Variants in MED12L observed in about 807,000 individuals in gnomAD.
MED12L encodes the protein mediator complex subunit 12L, also known as mediator of RNA polymerase II transcription subunit 12-like protein.
In MED12L, 60 loss-of-function variants were observed where a neutral mutation model predicts 281.3. The observed-to-expected ratio is 0.21, with a 90% confidence interval of 0.17 to 0.26. MED12L has a LOEUF of 0.26. MED12L is among the 10% of genes least tolerant of loss of function. The pLI, the probability that MED12L is intolerant of heterozygous loss-of-function variation, is 1.00. For synonymous variants in MED12L, 974 were observed against 987.2 expected (o/e 0.99, Z 0.25); for missense variants, 2,146 against 2,680.9 (o/e 0.80, Z 4.41).
intron 16 of MED12L, chr3:151,214,034 T>C (rs1576990099): frequency 6.2e-7 from 1 of 1,614,112 alleles, no homozygotes; most frequent in East Asian, 2.2e-5. Flanking sequence ...GCAGAGACCC[T>C]GCACACAAAC....
In MED12L at chr3:151,185,098, A is replaced by G. The variant is rs1183790025; in HGVS notation, c.1495-232A>G. Among the ~76,000 whole-genome samples the G allele has an allele frequency of 7.2e-5, 11 of 152,282 alleles. No homozygotes were observed. In the South Asian group the frequency reaches 1.7e-3, roughly 23 times the overall value. On this transcript the variant is annotated intron_variant, in intron 11 of 44. Transcript: ENST00000687756. ...GTGTAAGTGAAGGCATCCACAGGGA[A>G]GCTCTAATTCTTTTGGAATTGTCAC... is the stretch of plus-strand genomic sequence containing the variant.
chr3:151,434,242 A>G lies in MED12L; in HGVS notation c.*1438A>G, dbSNP rs1470215093. Reference sequence around the variant, plus strand: ...AATCTACTTTTTTTAAAATGTAGCTAGTACAACTTTAGTAGACATTTTCTT... The same window carrying G: ...AATCTACTTTTTTTAAAATGTAGCTGGTACAACTTTAGTAGACATTTTCTT... On this transcript the variant is annotated 3_prime_UTR_variant, in exon 45 of 45. Coordinates refer to ENST00000687756, the MANE Select transcript of MED12L (RefSeq NM_001393769.1). The G allele has an allele frequency of 6.6e-6, 1 of 152,222 alleles. No individual in the cohort carries two copies. Among genetic ancestry groups the G allele is most frequent in the East Asian group, 1.9e-4 (1 of 5,200 alleles). The allele number at this position is 152,222 out of a possible 1,614,324, so 9.4% of individuals were successfully genotyped here.
chr3:151,383,756 T>C lies in MED12L; in HGVS notation c.4681-23T>C, dbSNP rs117077478. 1,995 of 1,488,676 alleles carry C rather than the reference T, an allele frequency of 1.3e-3. 37 individuals are homozygous for C. In the East Asian group the frequency reaches 0.035, roughly 26 times the overall value. 92.2% of individuals were successfully genotyped at this position (1,488,676 alleles called of 1,614,324 possible). ...CTTTCTGTTTTACAGAATGCAAATA[T>C]CTTACTGTATTTTGTCTGCTAGGTA... is the stretch of plus-strand genomic sequence containing the variant. On this transcript the variant is annotated intron_variant, in intron 33 of 44. Transcript: ENST00000687756.
intron 16 of MED12L, among the ~76,000 whole-genome samples, chr3:151,343,772 CCAAG>C (rs1752187720): frequency 6.6e-6 from 1 of 151,884 alleles, no homozygotes; most frequent in Non-Finnish European, 1.5e-5. Context: ...GTTTATTTTA[CCAAG>C]TCTACTAAAG....
chr3:151,219,189 TA>T (rs1167147855), intron 16 of MED12L, among the ~76,000 whole-genome samples: 1 of 152,224 alleles, frequency 6.6e-6, no homozygotes, highest in Non-Finnish European at 1.5e-5. Flanking sequence ...TAGTGCAGTG[TA>T]ATATCTTAGG....
At chr3:151,366,499 A>G (rs1166453673) in intron 23 of MED12L, among the ~76,000 whole-genome samples, 1 of 152,226 alleles carries the variant, frequency 6.6e-6, no homozygotes, top group Non-Finnish European at 1.5e-5. Context: ...CTGGAAGATG[A>G]TGAAAAGATA....
At chr3:151,309,140 C>CACAT (rs1560011377) in intron 16 of MED12L, among the ~76,000 whole-genome samples, 1 of 109,068 alleles carries the variant, frequency 9.2e-6, no homozygotes, top group African/African-American at 3.8e-5. Flanking sequence ...CACACACACA[C>CACAT]GCACACACAC....
At chr3:151,377,757 G>A (rs747931846) in intron 30 of MED12L, among the ~76,000 whole-genome samples, 27 of 152,074 alleles carry the variant, frequency 1.8e-4, no homozygotes, top group Non-Finnish European at 3.5e-4. Flanking sequence ...GGGGGTCATC[G>A]GAAAACATTA....
chr3:151,088,522 A>C (rs910884476), intron 2 of MED12L, among the ~76,000 whole-genome samples: 1 of 152,142 alleles, frequency 6.6e-6, no homozygotes, highest in Admixed American at 6.5e-5. Flanking sequence ...CTTGTAATTA[A>C]TGTCTTACTC....
At chr3:151,126,540 C>G (rs1714554393) in intron 4 of MED12L, among the ~76,000 whole-genome samples, 2 of 152,148 alleles carry the variant, frequency 1.3e-5, no homozygotes, top group South Asian at 4.1e-4. Context: ...TGTGACATGT[C>G]AGTGCACAGA....
intron 16 of MED12L, chr3:151,212,728 A>G (rs1261118006): frequency 2.0e-5 from 3 of 152,086 alleles, no homozygotes; most frequent in African/African-American, 7.2e-5. Context: ...CTTCCTTTGC[A>G]GTGCCATGAA....
chr3:151,198,401 A>G (rs762743576), intron 16 of MED12L: 1 of 1,552,500 alleles, frequency 6.4e-7, no homozygotes, highest in Non-Finnish European at 8.8e-7. Context: ...TAAGGCCAGA[A>G]TTGGTAGCAC....
intron 44 of MED12L, among the ~76,000 whole-genome samples, chr3:151,432,031 A>AT (rs1553823548): frequency 6.6e-6 from 1 of 152,228 alleles, no homozygotes; most frequent in Non-Finnish European, 1.5e-5. Context: ...ATAAGCAGTT[A>AT]TGCCACACTC....
At chr3:151,413,441 C>A (rs1717182239) in intron 42 of MED12L, 146 bp downstream of exon 42, 1 of 944,934 alleles carries the variant, frequency 1.1e-6, no homozygotes, top group Non-Finnish European at 1.6e-6. Context: ...TACATTGGTA[C>A]AATTTAGTTA....
At chr3:151,401,932 T>A (rs1715730915) in intron 39 of MED12L, among the ~76,000 whole-genome samples, 1 of 152,192 alleles carries the variant, frequency 6.6e-6, no homozygotes, top group Non-Finnish European at 1.5e-5. Context: ...AAATTATGAT[T>A]AGGCAGATAT....
At chr3:151,338,821 AGGT>A (rs1751396340) in intron 16 of MED12L, 1 of 1,613,686 alleles carries the variant, frequency 6.2e-7, no homozygotes, top group African/African-American at 1.3e-5. Context: ...CCAGGCGCAG[AGGT>A]GAGGTTGTCG....
At chr3:151,402,492 A>T (rs749698884) in intron 39 of MED12L, among the ~76,000 whole-genome samples, 1 of 152,186 alleles carries the variant, frequency 6.6e-6, no homozygotes, top group Non-Finnish European at 1.5e-5. Flanking sequence ...CTTCAAGAAC[A>T]TATGGCCTGC....
chr3:151,198,333 TTTTTTTTTG>T (rs1724965733), intron 16 of MED12L: 3 of 928,614 alleles, frequency 3.2e-6, no homozygotes, highest in Non-Finnish European at 4.5e-6. Context: ...TCATACTGAG[TTTTTTTTTG>T]TTTTTTTTTT....
In MED12L at chr3:151,409,286, G is replaced by A. The variant is rs78970280; in HGVS notation, c.5864G>A (p.Arg1955Gln). ...DQAALFAAQARPSPQLPQYPG... is the reference protein window; with the variant it reads ...DQAALFAAQAQPSPQLPQYPG... ...GCTGCTCTCTTTGCTGCGCAAGCAC[G>A]GCCCTCCCCTCAGCTCCCTCAGTAT... The change falls in exon 40 of 45, where the codon CGG (arginine) becomes CAG (glutamine). Residue 1955 changes from arginine (R) to glutamine (Q), a missense_variant. By Grantham distance (43) the Arg-to-Gln change is conservative. Coordinates refer to ENST00000687756, the MANE Select transcript of MED12L (RefSeq NM_001393769.1). 1,796 of 1,612,868 alleles carry A rather than the reference G, an allele frequency of 1.1e-3. 22 individuals carry two copies. In the African/African-American group the frequency reaches 0.023, roughly 20 times the overall value.
Sources: allele counts gnomAD v4.1 joint callset (sites outside exome capture counted in the v4.1 genomes callset), GRCh38; gene constraint gnomAD v4.1.1; transcripts MANE v1.5; gene names NCBI Gene and HGNC (gene_info 2026-07-23, HGNC 2026-07-21).